The following TMEM74 variants were observed in gnomAD, a reference collection of about 807,000 sequenced individuals.
The protein encoded by TMEM74 is transmembrane protein 74.
TMEM74 carries 13 observed loss-of-function variants against 18.1 expected under a neutral mutation model. That is an observed-to-expected ratio of 0.72 (90% CI 0.47 to 1.14). The LOEUF is 1.14. Ranked by LOEUF, TMEM74 falls within the 50% of genes most tolerant of loss-of-function variation. The pLI, the probability that TMEM74 is intolerant of heterozygous loss-of-function variation, is 0.00. For missense variants in TMEM74, 372 were observed against 375.9 expected, an observed-to-expected ratio of 0.99 and a Z score of 0.09; for synonymous variants, 159 against 146.6, an observed-to-expected ratio of 1.08 and a Z score of -0.61.
chr8:108,718,113 T>G (rs563538551), intron 1 of TMEM74, among the ~76,000 whole-genome samples: 3 of 109,626 alleles, frequency 2.7e-5, no homozygotes, highest in Non-Finnish European at 5.0e-5. Flanking sequence ...CGCCCGCCAC[T>G]ACGCCCGGCT....
intron 1 of TMEM74, among the ~76,000 whole-genome samples, chr8:108,762,887 A>C (rs932214386): frequency 4.3e-4 from 66 of 152,108 alleles, no homozygotes; most frequent in Non-Finnish European, 1.6e-4. Context: ...TTAAAAACAA[A>C]ACAAAACAAA....
At position 108,784,364 on chromosome 8, in the gene TMEM74, G is replaced by T. The variant is rs368244301; in HGVS notation, c.735C>A (p.Ile245=). The T allele has an allele frequency of 1.9e-6, 3 of 1,614,048 alleles. No individual in the cohort carries two copies. The highest frequency in any genetic ancestry group is 2.5e-6 in the Non-Finnish European group (3 of 1,180,036). Residue 245 remains isoleucine, a synonymous_variant, in exon 2 of 2, where the codon ATC becomes ATA. Coordinates refer to ENST00000297459, the MANE Select transcript of TMEM74 (RefSeq NM_153015.3). ...GLCLLTLGGV[I]LSCLLMMSMW... ...TGGACATCATTAACAAGCAGGACAG[G>T]ATGACGCCCCCCAGCGTGAGGAGGC... is the stretch of plus-strand genomic sequence containing the variant.
Position 108,716,358 on chromosome 8 carries a change from C to A in TMEM74, n.120-60921G>T, listed in dbSNP as rs189410903. Among the ~76,000 whole-genome samples the A allele has an allele frequency of 3.9e-5, 6 of 151,966 alleles. No homozygotes were observed. The South Asian group carries it at 1.0e-3, about 26-fold the overall frequency. On this transcript the variant is annotated intron_variant and non_coding_transcript_variant, in intron 1 of 3. Coordinates refer to the TMEM74 transcript ENST00000518838. ...TACATTAAAACTATTAAATAATTAA[C>A]GAATTCAAAAACTCTTTCATCACCT...
At chr8:108,699,863 T>A (rs1813318438) in intron 1 of TMEM74, among the ~76,000 whole-genome samples, 1 of 152,208 alleles carries the variant, frequency 6.6e-6, no homozygotes, top group African/African-American at 2.4e-5. Context: ...AATTGAGCTG[T>A]CCCTCTGCCA....
intron 1 of TMEM74, among the ~76,000 whole-genome samples, chr8:108,768,658 G>A (rs1814136997): frequency 6.6e-6 from 1 of 152,000 alleles, no homozygotes; most frequent in Non-Finnish European, 1.5e-5. Flanking sequence ...CCTTCCTCTG[G>A]TAGGTCTGGG....
At chr8:108,682,132 G>T (rs1285607794) in intron 1 of TMEM74, among the ~76,000 whole-genome samples, 1 of 152,008 alleles carries the variant, frequency 6.6e-6, no homozygotes, top group Non-Finnish European at 1.5e-5. Context: ...TGTAACTACA[G>T]GTTCATTATG....
intron 1 of TMEM74, among the ~76,000 whole-genome samples, chr8:108,771,867 T>C (rs1586292612): frequency 6.6e-6 from 1 of 152,150 alleles, no homozygotes; most frequent in East Asian, 1.9e-4. Context: ...AGACTCCAGA[T>C]ACATACTGTT....
chr8:108,717,413 T>A (rs549748727), intron 1 of TMEM74, among the ~76,000 whole-genome samples: 13 of 152,318 alleles, frequency 8.5e-5, no homozygotes, highest in African/African-American at 3.1e-4. Context: ...ATCTACCATA[T>A]GGAAGTTTCC....
chr8:108,726,638 C>A (rs1411842137), intron 1 of TMEM74, among the ~76,000 whole-genome samples: 2 of 151,944 alleles, frequency 1.3e-5, no homozygotes, highest in Non-Finnish European at 2.9e-5. Context: ...CATCAGTAAA[C>A]AAACTCTATT....
At chr8:108,692,045 C>G (rs1461637500) in intron 1 of TMEM74, among the ~76,000 whole-genome samples, 1 of 152,064 alleles carries the variant, frequency 6.6e-6, no homozygotes, top group African/African-American at 2.4e-5. Context: ...TACAAGAGAC[C>G]TTCCATGTAG....
chr8:108,612,112 C>T (rs1812340118), intron 2 of TMEM74, among the ~76,000 whole-genome samples: 1 of 152,052 alleles, frequency 6.6e-6, no homozygotes, highest in South Asian at 2.1e-4. Context: ...CCAATGGGCC[C>T]CTTCCACGAC....
intron 1 of TMEM74, among the ~76,000 whole-genome samples, chr8:108,697,058 T>C (rs1813287785): frequency 6.6e-6 from 1 of 152,166 alleles, no homozygotes; most frequent in Non-Finnish European, 1.5e-5. Flanking sequence ...CCTTTTCATC[T>C]TTGATCTTTA....
chr8:108,762,090 G>A (rs1035692316), intron 1 of TMEM74, among the ~76,000 whole-genome samples: 3 of 152,136 alleles, frequency 2.0e-5, no homozygotes, highest in African/African-American at 7.2e-5. Context: ...AAAGTTGACA[G>A]GATAGACATC....
At chr8:108,626,480 G>A (rs531311495) in intron 2 of TMEM74, 3 of 152,098 alleles carry the variant, frequency 2.0e-5, no homozygotes, top group East Asian at 3.9e-4. Flanking sequence ...TAAATTAGCC[G>A]TTTACGCTGT....
chr8:108,608,856 G>C (rs952916923), intron 2 of TMEM74: 1 of 152,130 alleles, frequency 6.6e-6, no homozygotes, highest in Non-Finnish European at 1.5e-5. Flanking sequence ...GAAACATGTG[G>C]ATTAAATTTC....
intron 1 of TMEM74, among the ~76,000 whole-genome samples, chr8:108,743,973 C>T (rs572659421): frequency 2.0e-5 from 3 of 152,168 alleles, no homozygotes; most frequent in African/African-American, 7.2e-5. Flanking sequence ...AAAATGGCAA[C>T]CAAGGTACTC....
intron 2 of TMEM74, among the ~76,000 whole-genome samples, chr8:108,630,296 G>A (rs1047391904): frequency 1.3e-5 from 2 of 150,764 alleles, no homozygotes; most frequent in Non-Finnish European, 3.0e-5. Flanking sequence ...AAATATATAG[G>A]CACCCAATAC....
At chr8:108,759,232 T>C (rs1283203237) in intron 1 of TMEM74, among the ~76,000 whole-genome samples, 1 of 152,066 alleles carries the variant, frequency 6.6e-6, no homozygotes, top group African/African-American at 2.4e-5. Context: ...AAAACACAAT[T>C]ATCTGTAACA....
intron 1 of TMEM74, among the ~76,000 whole-genome samples, chr8:108,732,384 G>A (rs1425623195): frequency 6.6e-6 from 1 of 152,086 alleles, no homozygotes; most frequent in Non-Finnish European, 1.5e-5. Context: ...CATCCCATGT[G>A]AGCTTTTTAA....
Sources: allele counts gnomAD v4.1 joint callset (sites outside exome capture counted in the v4.1 genomes callset), GRCh38; gene constraint gnomAD v4.1.1; transcripts MANE v1.5; gene names NCBI Gene and HGNC (gene_info 2026-07-23, HGNC 2026-07-21).